Variants in ZNF829 observed in about 807,000 individuals in gnomAD.
ZNF829 encodes the protein zinc finger protein 829.
ZNF829 carries 25 observed loss-of-function variants against 35.2 expected under a neutral mutation model. That is an observed-to-expected ratio of 0.71 (90% CI 0.52 to 0.99). The LOEUF is 0.99. Among genes scored for constraint, ZNF829 ranks in the 50% least tolerant of loss-of-function variants. The pLI, the probability that ZNF829 is intolerant of heterozygous loss-of-function variation, is 0.00. For missense variants in ZNF829, 417 were observed against 515.3 expected (o/e 0.81, Z 1.85); for synonymous variants, 136 against 163.2 (o/e 0.83, Z 1.27).
In ZNF829 at chr19:36,915,227, T is replaced by C; in HGVS notation, c.-60A>G. The C allele has an allele frequency of 6.2e-7, 1 of 1,613,936 alleles. No homozygotes were observed. The highest frequency in any genetic ancestry group is 8.5e-7 in the Non-Finnish European group (1 of 1,179,954). ...TGTTCACTGCTGTCCAGGGTTGGAA[T>C]CTGACCAGACCTCAGAGAGGTTTCC... is the stretch of plus-strand genomic sequence containing the variant. On this transcript the variant is annotated 5_prime_UTR_variant, in exon 2 of 6. Coordinates refer to ENST00000391711, the MANE Select transcript of ZNF829 (RefSeq NM_001037232.4).
At chr19:36,897,121 C>A (rs1379669817) in intron 5 of ZNF829, among the ~76,000 whole-genome samples, 3 of 152,112 alleles carry the variant, frequency 2.0e-5, no homozygotes, top group South Asian at 2.1e-4. Context: ...CTGAATCCTA[C>A]CAAAATTACA....
Position 36,891,744 on chromosome 19 carries a change from C to T in ZNF829, c.1047G>A (p.Glu349=). 6.2e-7 allele frequency: 1 copy of T among 1,614,158 alleles called. No individual in the cohort carries two copies. Among genetic ancestry groups the T allele is most frequent in the Non-Finnish European group, 8.5e-7 (1 of 1,180,024 alleles). The stretch of plus-strand genomic sequence containing the variant: ...TACATTCTTCACATTCATAGAGCTT[C>T]TCACCAGCATGAATTCTGTGATGGT... ...LTNHHRIHAG[E]KLYECEECRK... Residue 349 remains glutamate, a synonymous_variant, in exon 6 of 6, where the codon GAG becomes GAA. Coordinates refer to ENST00000391711, the MANE Select transcript of ZNF829 (RefSeq NM_001037232.4).
intron 1 of ZNF829, chr19:36,915,764 T>C (rs1487486644): frequency 1.9e-5 from 23 of 1,224,460 alleles, no homozygotes; most frequent in Non-Finnish European, 2.5e-5. Context: ...GCCTAGCTAA[T>C]TTTTGTATTT....
intron 5 of ZNF829, chr19:36,902,103 A>G (rs183024456): frequency 1.6e-5 from 7 of 433,522 alleles, no homozygotes; most frequent in African/African-American, 8.3e-5. Flanking sequence ...CAGACAGTCA[A>G]TGTGGATGAG....
intron 3 of ZNF829, among the ~76,000 whole-genome samples, chr19:36,911,925 G>C (rs1198724516): frequency 1.3e-5 from 2 of 152,198 alleles, no homozygotes; most frequent in African/African-American, 4.8e-5. Context: ...AATGCAATTA[G>C]AGGTTTCCAG....
At chr19:36,915,089 G>C (rs775371546) in intron 2 of ZNF829, 41 bp downstream of exon 2, 1 of 1,614,100 alleles carries the variant, frequency 6.2e-7, no homozygotes, top group South Asian at 1.1e-5. Context: ...TTGGTACCCA[G>C]ATTAGTCAAG....
intron 5 of ZNF829, among the ~76,000 whole-genome samples, chr19:36,905,234 C>T (rs1031947137): frequency 1.1e-4 from 17 of 152,080 alleles, no homozygotes; most frequent in African/African-American, 4.1e-4. Flanking sequence ...CATTAGATAA[C>T]AAGTTTCTTA....
chr19:36,893,534 C>A (rs2073082394), intron 5 of ZNF829, among the ~76,000 whole-genome samples: 1 of 152,110 alleles, frequency 6.6e-6, no homozygotes, highest in Admixed American at 6.5e-5. Flanking sequence ...TGACACTTAA[C>A]TTATGATTGC....
At chr19:36,909,848 T>C (rs1375596945) in intron 3 of ZNF829, among the ~76,000 whole-genome samples, 1 of 151,432 alleles carries the variant, frequency 6.6e-6, no homozygotes, top group Non-Finnish European at 1.5e-5. Context: ...AATTGTGATA[T>C]AATTCTATTG....
chr19:36,916,016 A>G lies in ZNF829; in HGVS notation c.-90T>C. The G allele has an allele frequency of 1.5e-6, 2 of 1,293,604 alleles. No individual in the cohort carries two copies. The highest frequency in any genetic ancestry group is 2.1e-6 in the Non-Finnish European group (2 of 950,728). 80.1% of individuals were successfully genotyped at this position (1,293,604 alleles called of 1,614,324 possible). A position where few individuals can be genotyped will look rare whatever the true frequency, so the allele number is the denominator to read the frequency against. ...TGGGGACCAAAATATCTCACCTCCC[A>G]GATCTAAGGGTCCCGCCAGGAGTGA... On this transcript the variant is annotated 5_prime_UTR_variant, in exon 1 of 6. Transcript: ENST00000391711. The surrounding 1 kb of genome is among the most constrained non-coding windows in gnomAD (Gnocchi z 5.3).
In ZNF829 at chr19:36,889,377, T is replaced by C. The variant is rs2073028920; in HGVS notation, c.*2115A>G. On this transcript the variant is annotated 3_prime_UTR_variant, in exon 6 of 6. Coordinates refer to ENST00000391711, the MANE Select transcript of ZNF829 (RefSeq NM_001037232.4). ...GTTTCAATAGTGCTGTTACTAGTTCTTCCTTGCATGTCTAGTAGAATTCAG... is the reference window on the plus strand; with the variant it reads ...GTTTCAATAGTGCTGTTACTAGTTCCTCCTTGCATGTCTAGTAGAATTCAG... 1 of 152,188 alleles carries C rather than the reference T, an allele frequency of 6.6e-6. No individual in the cohort carries two copies. The highest frequency in any genetic ancestry group is 1.5e-5 in the Non-Finnish European group (1 of 68,024). The allele number at this position is 152,188 out of a possible 1,614,324, so 9.4% of individuals were successfully genotyped here.
intron 5 of ZNF829, among the ~76,000 whole-genome samples, chr19:36,896,437 T>C (rs186965281): frequency 3.3e-5 from 5 of 152,112 alleles, no homozygotes; most frequent in Non-Finnish European, 7.4e-5. Flanking sequence ...GAGCCAATAT[T>C]GTGCCACTGC....
At chr19:36,912,853 CG>C (rs2146251442) in intron 3 of ZNF829, 1 of 152,176 alleles carries the variant, frequency 6.6e-6, no homozygotes, top group African/African-American at 2.4e-5. Flanking sequence ...AAAAATTAGC[CG>C]GGCGTAGTGG....
intron 4 of ZNF829, 87 bp downstream of exon 4, chr19:36,908,246 C>G: frequency 6.6e-7 from 1 of 1,510,218 alleles, no homozygotes; most frequent in Non-Finnish European, 8.9e-7. Flanking sequence ...AGAAATTCAG[C>G]TGGTTACATG....
chr19:36,892,225 T>C lies in ZNF829; in HGVS notation c.566A>G (p.Tyr189Cys), dbSNP rs201165537. The C allele has an allele frequency of 5.3e-4, 860 of 1,614,128 alleles. 9 individuals are homozygous for C. The South Asian group carries it at 8.2e-3, about 15-fold the overall frequency. The part of the protein sequence containing the change: ...FGEKHYESKE[Y>C]GKSFSRGSLV... Reference sequence around the variant, plus strand: ...TGAGCCACGACTAAAGGACTTCCCATACTCCTTAGATTCATAGTGTTTTTC... The same window carrying C: ...TGAGCCACGACTAAAGGACTTCCCACACTCCTTAGATTCATAGTGTTTTTC... The change falls in exon 6 of 6, where the codon TAT (tyrosine) becomes TGT (cysteine). Residue 189 changes from tyrosine (Y) to cysteine (C), a missense_variant. Transcript: ENST00000391711.
At chr19:36,908,982 A>G (rs572219318) in intron 3 of ZNF829, among the ~76,000 whole-genome samples, 1 of 152,334 alleles carries the variant, frequency 6.6e-6, no homozygotes, top group Admixed American at 6.5e-5. Flanking sequence ...TTAAATCAAG[A>G]CAATTTTAAA....
Position 36,888,274 on chromosome 19 carries a change from T to C in ZNF829, c.*3218A>G, listed in dbSNP as rs369847259. 3 of 152,162 alleles carry C rather than the reference T, an allele frequency of 2.0e-5. No individual in the cohort carries two copies. Among genetic ancestry groups the C allele is most frequent in the South Asian group, 4.1e-4 (2 of 4,830 alleles). 9.4% of individuals were successfully genotyped at this position (152,162 alleles called of 1,614,324 possible). A position where few individuals can be genotyped will look rare whatever the true frequency, so the allele number is the denominator to read the frequency against. ...AAGTTTGATAAAACATTTAATAGTA[T>C]ACATATTCCAGGGAAGATGTTTCCT... On this transcript the variant is annotated 3_prime_UTR_variant, in exon 6 of 6. Coordinates refer to ENST00000391711, the MANE Select transcript of ZNF829 (RefSeq NM_001037232.4).
rs967989015 is a variant in ZNF829, at chr19:36,916,171, A to T, written c.-245T>A. 1 of 513,116 alleles carries T rather than the reference A, an allele frequency of 1.9e-6. No homozygotes were observed. The highest frequency in any genetic ancestry group is 2.0e-5 in the African/African-American group (1 of 50,958). The allele number at this position is 513,116 out of a possible 1,614,324, so 31.8% of individuals were successfully genotyped here. On this transcript the variant is annotated 5_prime_UTR_variant, in exon 1 of 6. Coordinates refer to ENST00000391711, the MANE Select transcript of ZNF829 (RefSeq NM_001037232.4). The surrounding 1 kb of genome is among the most constrained non-coding windows in gnomAD (Gnocchi z 5.3). ...GCCCACCCGAAACGGCTGCTCCCTC[A>T]ACTCTCAACATCCAGCCGAGCCTCG...
At chr19:36,911,069 C>T (rs745558720) in intron 3 of ZNF829, among the ~76,000 whole-genome samples, 2 of 152,182 alleles carry the variant, frequency 1.3e-5, no homozygotes, top group Non-Finnish European at 1.5e-5. Context: ...TAGTGCTTTC[C>T]TGAGTTCTAT....
Sources: allele counts gnomAD v4.1 joint callset (sites outside exome capture counted in the v4.1 genomes callset), GRCh38; gene constraint gnomAD v4.1.1; non-coding constraint Gnocchi (gnomAD v3.1); transcripts MANE v1.5; gene names NCBI Gene and HGNC (gene_info 2026-07-23, HGNC 2026-07-21).